Variants in KLF12 observed in about 807,000 individuals in gnomAD.
The protein encoded by KLF12 is Krueppel-like factor 12.
Under a neutral mutation model 37.8 loss-of-function variants are expected in KLF12, and 9 were observed. The ratio of observed to expected loss-of-function variants is 0.24; its 90% CI spans 0.14 to 0.42. KLF12 has a LOEUF of 0.42. Ranked by LOEUF, KLF12 falls within the 10% of genes least tolerant of loss-of-function variation. KLF12 has a pLI of 1.00. For missense variants in KLF12, 411 were observed against 516.0 expected (o/e 0.80, Z 1.97); for synonymous variants, 208 against 202.1 (o/e 1.03, Z -0.25).
rs189692416 is a variant in KLF12 at position 74,076,013 on chromosome 13, G to A, written c.-32+57726C>T. ...TACAGCCAAAAACTGAAAACAAGCC[G>A]GATATCCCTGAATACCACTACTTTA... On this transcript the variant is annotated intron_variant, in intron 1 of 7. Transcript: ENST00000377669. Among the ~76,000 whole-genome samples the A allele has an allele frequency of 7.6e-4, 115 of 152,142 alleles. 1 individual carries two copies. Among genetic ancestry groups the A allele is most frequent in the African/African-American group, 2.7e-3 (111 of 41,516 alleles).
intron 3 of KLF12, among the ~76,000 whole-genome samples, chr13:73,917,658 T>A (rs2139195332): frequency 1.3e-5 from 2 of 152,338 alleles, no homozygotes; most frequent in Middle Eastern, 3.4e-3. Context: ...CATAAGTTTG[T>A]CAGAAGAATT....
Position 73,970,925 on chromosome 13 carries a change from T to A in KLF12, c.33+24065A>T, listed in dbSNP as rs146260181. On this transcript the variant is annotated intron_variant, in intron 2 of 7. Transcript: ENST00000377669. ...CTCAAAGCAGCAGAAGGGTGGGGAA[T>A]GTTTTTAAACAAAATTGCATCAGCT... Among the ~76,000 whole-genome samples the A allele has an allele frequency of 8.8e-4, 134 of 152,242 alleles. 1 individual carries two copies. The highest frequency in any genetic ancestry group is 1.7e-3 in the Admixed American group (26 of 15,284).
At chr13:73,796,942 G>A (rs1050355414) in intron 5 of KLF12, among the ~76,000 whole-genome samples, 1 of 152,054 alleles carries the variant, frequency 6.6e-6, no homozygotes, top group Non-Finnish European at 1.5e-5. Flanking sequence ...AAAAGAACAC[G>A]ATTCCATACA....
the KLF12 span, among the ~76,000 whole-genome samples, chr13:74,250,249 G>A: frequency 6.6e-6 from 1 of 152,212 alleles, no homozygotes; most frequent in African/African-American, 2.4e-5. Flanking sequence ...TACACACAGA[G>A]AGCTATGTGC....
intron 1 of KLF12, among the ~76,000 whole-genome samples, chr13:74,012,130 T>A (rs1287104435): frequency 6.6e-6 from 1 of 152,258 alleles, no homozygotes; most frequent in Non-Finnish European, 1.5e-5. Context: ...ACTGTTAATT[T>A]AGCACAATCT....
intron 4 of KLF12, among the ~76,000 whole-genome samples, chr13:73,835,118 T>C (rs1884364069): frequency 6.6e-6 from 1 of 151,330 alleles, no homozygotes; most frequent in African/African-American, 2.4e-5. Flanking sequence ...ATTTTCATAC[T>C]CTCGAAGTCT....
At chr13:74,058,443 G>A (rs976065502) in intron 1 of KLF12, among the ~76,000 whole-genome samples, 8 of 135,430 alleles carry the variant, frequency 5.9e-5, no homozygotes, top group Admixed American at 8.4e-5. Flanking sequence ...TGCAAGCTCC[G>A]CCTCCGGGTT....
chr13:73,724,790 A>G (rs1453176035), intron 6 of KLF12, among the ~76,000 whole-genome samples: 1 of 152,204 alleles, frequency 6.6e-6, no homozygotes, highest in Admixed American at 6.5e-5. Flanking sequence ...TCACACAGCT[A>G]AACAGGGGCA....
At chr13:74,183,726 A>T in the KLF12 span, among the ~76,000 whole-genome samples, 10 of 152,190 alleles carry the variant, frequency 6.6e-5, no homozygotes, top group Non-Finnish European at 1.2e-4. Flanking sequence ...GCTTGAGTCC[A>T]GGAGTTAGAG....
chr13:73,885,399 C>T (rs1010818313), intron 3 of KLF12, among the ~76,000 whole-genome samples: 3 of 152,200 alleles, frequency 2.0e-5, no homozygotes, highest in Non-Finnish European at 4.4e-5. Flanking sequence ...TATTGGTTTA[C>T]ATTACTTCAT....
intron 3 of KLF12, among the ~76,000 whole-genome samples, chr13:73,905,329 C>G (rs1476968645): frequency 1.3e-5 from 2 of 149,822 alleles, no homozygotes; most frequent in Non-Finnish European, 2.9e-5. Flanking sequence ...AAATCTGAGA[C>G]AGCGCTAACC....
In KLF12 at chr13:74,056,848, A is replaced by G. The variant is rs543515153; in HGVS notation, c.-31-61795T>C. On this transcript the variant is annotated intron_variant, in intron 1 of 7. Transcript: ENST00000377669. ...GGGAGAGAAGGATGAAATTCATCTCAGTGGAAAAATAAATCTGCATACCTA... is the reference window on the plus strand; with the variant it reads ...GGGAGAGAAGGATGAAATTCATCTCGGTGGAAAAATAAATCTGCATACCTA... 1.1e-3 allele frequency among the ~76,000 whole-genome samples: 162 copies of G among 152,314 alleles called. 1 individual carries two copies. Among genetic ancestry groups the G allele is most frequent in the African/African-American group, 3.7e-3 (152 of 41,568 alleles).
intron 1 of KLF12, among the ~76,000 whole-genome samples, chr13:74,033,984 A>G (rs2025533): frequency 0.62 from 93,705 of 151,134 alleles, 29,916 homozygotes; most frequent in East Asian, 0.84. Context: ...GTTTTAATTT[A>G]TATTTCTTGG....
chr13:74,143,152 C>G, the KLF12 span, among the ~76,000 whole-genome samples: 1 of 151,276 alleles, frequency 6.6e-6, no homozygotes, highest in African/African-American at 2.4e-5. Context: ...GTCTTCTTCT[C>G]CTTCCTCTTC....
intron 1 of KLF12, among the ~76,000 whole-genome samples, chr13:74,015,347 C>T (rs1892660351): frequency 6.6e-6 from 1 of 152,098 alleles, no homozygotes; most frequent in Admixed American, 6.6e-5. Flanking sequence ...GACCTATTTT[C>T]TTCTAATATA....
At chr13:74,069,456 T>C (rs1355983957) in intron 1 of KLF12, among the ~76,000 whole-genome samples, 1 of 152,192 alleles carries the variant, frequency 6.6e-6, no homozygotes, top group East Asian at 1.9e-4. Flanking sequence ...AGGCACATTC[T>C]GACAGATCAT....
At chr13:73,841,615 T>C (rs1221890650) in intron 4 of KLF12, among the ~76,000 whole-genome samples, 7 of 152,156 alleles carry the variant, frequency 4.6e-5, no homozygotes. Flanking sequence ...TTAAATTCCT[T>C]TGTGAGGTCA....
At chr13:73,931,254 T>C (rs746725831) in intron 3 of KLF12, among the ~76,000 whole-genome samples, 73 of 152,236 alleles carry the variant, frequency 4.8e-4, no homozygotes, top group African/African-American at 1.7e-3. Context: ...TTTTGATTAC[T>C]TGACATATTG....
At chr13:73,751,992 ATTTTATT>A (rs1878792723) in intron 6 of KLF12, among the ~76,000 whole-genome samples, 2 of 151,816 alleles carry the variant, frequency 1.3e-5, no homozygotes, top group African/African-American at 4.8e-5. Context: ...CTATGGATTT[ATTTTATT>A]TTTTATTTTT....
Sources: allele counts gnomAD v4.1 joint callset (sites outside exome capture counted in the v4.1 genomes callset), GRCh38; gene constraint gnomAD v4.1.1; transcripts MANE v1.5; gene names NCBI Gene and HGNC (gene_info 2026-07-23, HGNC 2026-07-21).